GRM8: variants seen among roughly 807,000 people sequenced by gnomAD.
The protein encoded by GRM8 is metabotropic glutamate receptor 8.
GRM8 carries 47 observed loss-of-function variants against 87.2 expected under a neutral mutation model. The observed-to-expected ratio is 0.54, with a 90% CI of 0.43 to 0.69. GRM8 has a LOEUF of 0.69. GRM8 is among the 30% of genes least tolerant of loss of function. GRM8 has a pLI of 0.00. For synonymous variants in GRM8, 396 were observed against 404.5 expected, an observed-to-expected ratio of 0.98 and a Z score of 0.25; for missense variants, 1,019 against 1,139.2, an observed-to-expected ratio of 0.89 and a Z score of 1.52.
At chr7:126,927,497 C>A (rs957994482) in intron 3 of GRM8, among the ~76,000 whole-genome samples, 1 of 151,898 alleles carries the variant, frequency 6.6e-6, no homozygotes, top group African/African-American at 2.4e-5. Context: ...TGTGACTGGA[C>A]AAATGGTCTG....
chr7:126,930,347 A>C (rs980017814), intron 3 of GRM8, among the ~76,000 whole-genome samples: 1 of 152,208 alleles, frequency 6.6e-6, no homozygotes, highest in African/African-American at 2.4e-5. Context: ...AACAGCTAGA[A>C]CAGTGGCTGG....
At chr7:126,760,856 A>C (rs11763734) in intron 7 of GRM8, among the ~76,000 whole-genome samples, 57,746 of 152,024 alleles carry the variant, frequency 0.38, 12,426 homozygotes, top group Non-Finnish European at 0.48. Flanking sequence ...ATGATGTTTT[A>C]TGTCAATTTT....
chr7:126,657,942 G>A (rs545764145), intron 7 of GRM8, among the ~76,000 whole-genome samples: 2 of 152,268 alleles, frequency 1.3e-5, no homozygotes, highest in South Asian at 4.1e-4. Context: ...AGCCGGAAAC[G>A]ACAAACTAAA....
intron 3 of GRM8, among the ~76,000 whole-genome samples, chr7:127,015,020 AAGAAGAAG>A (rs1461205086): frequency 9.2e-6 from 1 of 108,918 alleles, no homozygotes; most frequent in African/African-American, 3.4e-5. Flanking sequence ...GAAGAAGAAG[AAGAAGAAG>A]AAGAAGAAGA....
At chr7:127,195,748 C>T (rs1347346858) in intron 2 of GRM8, among the ~76,000 whole-genome samples, 1 of 152,162 alleles carries the variant, frequency 6.6e-6, no homozygotes, top group Non-Finnish European at 1.5e-5. Flanking sequence ...CTTCCCTCTG[C>T]TCCCACCAAA....
At chr7:127,180,700 A>C (rs915895401) in intron 2 of GRM8, among the ~76,000 whole-genome samples, 9 of 152,144 alleles carry the variant, frequency 5.9e-5, no homozygotes, top group African/African-American at 2.2e-4. Flanking sequence ...TAACATATGC[A>C]AGTCAATAAA....
At chr7:126,455,214 G>A (rs1002423489) in intron 9 of GRM8, among the ~76,000 whole-genome samples, 5 of 151,594 alleles carry the variant, frequency 3.3e-5, no homozygotes, top group South Asian at 2.1e-4. Context: ...ACACAGTCAC[G>A]AAGAAGTCAT....
chr7:127,164,440 C>T (rs1038242128), intron 2 of GRM8, among the ~76,000 whole-genome samples: 3 of 152,116 alleles, frequency 2.0e-5, no homozygotes, highest in Non-Finnish European at 4.4e-5. Flanking sequence ...GTTTGTGGTC[C>T]TTTCTGAACT....
chr7:127,161,933 C>T (rs960169768), intron 2 of GRM8, among the ~76,000 whole-genome samples: 18 of 152,058 alleles, frequency 1.2e-4, no homozygotes, highest in Non-Finnish European at 2.2e-4. Flanking sequence ...AAAAAATTAT[C>T]AGGTAAATTA....
chr7:126,489,704 T>C (rs1807781537), intron 9 of GRM8, among the ~76,000 whole-genome samples: 1 of 152,164 alleles, frequency 6.6e-6, no homozygotes, highest in South Asian at 2.1e-4. Flanking sequence ...TCATAATTAC[T>C]TTTATGTGTT....
chr7:126,650,299 C>T (rs530515791), intron 7 of GRM8, among the ~76,000 whole-genome samples: 3 of 152,202 alleles, frequency 2.0e-5, no homozygotes, highest in Non-Finnish European at 4.4e-5. Context: ...TCTCACCCAG[C>T]CTGCACCAAT....
rs753264505 is a variant in GRM8, at chr7:126,902,598, A to T, written c.1100T>A (p.Phe367Tyr). 3 of 1,610,452 alleles carry T rather than the reference A, an allele frequency of 1.9e-6. No homozygotes were observed. In the Admixed American group the frequency reaches 5.1e-5, roughly 27 times the overall value. ...CCCATGTGATCCTAACTTGCAGCCA[A>T]AATTCTCCTCCCAGAATTCTGCAAA... is the stretch of plus-strand genomic sequence containing the variant. ...VWFAEFWEEN[F>Y]GCKLGSHGKR... Residue 367 changes from phenylalanine (F) to tyrosine (Y), a missense_variant, in exon 6 of 11, where the codon TTT becomes TAT. Coordinates refer to ENST00000339582, the MANE Select transcript of GRM8 (RefSeq NM_000845.3).
At chr7:126,947,715 A>T (rs1807696736) in intron 3 of GRM8, among the ~76,000 whole-genome samples, 1 of 152,130 alleles carries the variant, frequency 6.6e-6, no homozygotes, top group South Asian at 2.1e-4. Context: ...CAACCTTTTC[A>T]TTCCATTTTG....
intron 3 of GRM8, among the ~76,000 whole-genome samples, chr7:126,952,031 A>AAATTTCTTTCTTTCC (rs1808219304): frequency 1.3e-5 from 2 of 151,562 alleles, no homozygotes; most frequent in African/African-American, 4.8e-5. Flanking sequence ...AAAAAGAAAG[A>AAATTTCTTTCTTTCC]AAGAAAGAAA....
intron 3 of GRM8, among the ~76,000 whole-genome samples, chr7:126,934,842 TCA>T (rs1019063992): frequency 6.6e-6 from 1 of 152,226 alleles, no homozygotes; most frequent in African/African-American, 2.4e-5. Context: ...GAGCCATGTG[TCA>T]AAAGATTGTG....
chr7:126,697,716 T>G (rs996982582), intron 7 of GRM8, among the ~76,000 whole-genome samples: 1 of 152,136 alleles, frequency 6.6e-6, no homozygotes, highest in African/African-American at 2.4e-5. Context: ...TGTAATCCCT[T>G]CTCTTTGGGG....
chr7:126,870,103 A>T (rs1798961957), intron 6 of GRM8: 1 of 152,130 alleles, frequency 6.6e-6, no homozygotes, highest in South Asian at 2.1e-4. Flanking sequence ...CTTTTCTGTT[A>T]TGTAGATGAC....
intron 7 of GRM8, among the ~76,000 whole-genome samples, chr7:126,712,573 T>C (rs549212435): frequency 6.6e-6 from 1 of 151,986 alleles, no homozygotes; most frequent in Non-Finnish European, 1.5e-5. Context: ...CAAAAGCAAC[T>C]GCAACAAAAG....
At chr7:126,516,084 C>G (rs1812122136) in intron 9 of GRM8, among the ~76,000 whole-genome samples, 1 of 151,964 alleles carries the variant, frequency 6.6e-6, no homozygotes, top group Admixed American at 6.6e-5. Flanking sequence ...ATTCTTATAG[C>G]AAGTATTTCA....
Sources: allele counts gnomAD v4.1 joint callset (sites outside exome capture counted in the v4.1 genomes callset), GRCh38; gene constraint gnomAD v4.1.1; transcripts MANE v1.5; gene names NCBI Gene and HGNC (gene_info 2026-07-23, HGNC 2026-07-21).